GDF1: variants seen among roughly 807,000 people sequenced by gnomAD.
GDF1 encodes the protein embryonic growth/differentiation factor 1.
GDF1 carries 8 observed loss-of-function variants against 7.4 expected under a neutral mutation model. That is an observed-to-expected ratio of 1.09 (90% confidence interval 0.64 to 1.96). GDF1 has a LOEUF of 1.96. Ranked by LOEUF, GDF1 falls within the 30% of genes most tolerant of loss-of-function variation. GDF1 has a pLI of 0.00. For missense variants in GDF1, 574 were observed against 551.5 expected, an observed-to-expected ratio of 1.04 and a Z score of -0.41; for synonymous variants, 311 against 276.7, an observed-to-expected ratio of 1.12 and a Z score of -1.23.
At chr19:18,894,182 A>C (rs1218396417) in intron 1 of GDF1, among the ~76,000 whole-genome samples, 2 of 131,796 alleles carry the variant, frequency 1.5e-5, no homozygotes, top group African/African-American at 5.6e-5. Flanking sequence ...GCGAGGTGAG[A>C]CCCTGAGGGG....
At position 18,868,649 on chromosome 19, in the gene GDF1, A is replaced by G. The variant is rs1392820474; in HGVS notation, c.1067T>C (p.Val356Ala). 2 of 1,575,354 alleles carry G rather than the reference A, an allele frequency of 1.3e-6. No individual in the cohort carries two copies. Among genetic ancestry groups the G allele is most frequent in the South Asian group, 2.3e-5 (2 of 86,014 alleles). ...SVLFFDNSDN[V>A]VLRQYEDMVV... ...CATGTCCTCATACTGCCGCAGCACCACGTTGTCGCTGTTGTCAAAGAAGAG... is the reference window on the plus strand; with the variant it reads ...CATGTCCTCATACTGCCGCAGCACCGCGTTGTCGCTGTTGTCAAAGAAGAG... The change falls in exon 8 of 8, where the codon GTG (valine) becomes GCG (alanine). Residue 356 changes from valine to alanine, a missense_variant. By Grantham distance (64) the Val-to-Ala change is moderately conservative (BLOSUM62 0). Transcript: ENST00000247005.
rs1052613581 is a variant in GDF1 at position 18,870,885 on chromosome 19, C to T, written c.-312-266G>A. On this transcript the variant is annotated intron_variant, in intron 6 of 7. Coordinates refer to ENST00000247005, the MANE Select transcript of GDF1 (RefSeq NM_001492.6). The surrounding 1 kb of genome is among the most constrained non-coding windows in gnomAD (Gnocchi z 5.1). ...CTTCCCCCTCTCCAATTAAACCTTC[C>T]TCTTCCCCTCCTCCCTGCCTCTCCA... Among the ~76,000 whole-genome samples the T allele has an allele frequency of 1.3e-5, 2 of 152,092 alleles. No individual in the cohort carries two copies. Among genetic ancestry groups the T allele is most frequent in the African/African-American group, 4.8e-5 (2 of 41,420 alleles).
chr19:18,875,445 A>G lies in GDF1; in HGVS notation c.-313+3485T>C, dbSNP rs537761680. On this transcript the variant is annotated intron_variant, in intron 6 of 7. Coordinates refer to ENST00000247005, the MANE Select transcript of GDF1 (RefSeq NM_001492.6). ...GTAGTCCCAGCTACTCAGGAGGCTG[A>G]GGCAGGAGAATTACTTGAACCTGGG... is the stretch of plus-strand genomic sequence containing the variant. 1.1e-4 allele frequency among the ~76,000 whole-genome samples: 17 copies of G among 151,658 alleles called. No individual in the cohort carries two copies. The East Asian group carries it at 1.9e-3, about 17-fold the overall frequency.
intron 3 of GDF1, among the ~76,000 whole-genome samples, chr19:18,883,682 G>A (rs145775156): frequency 1.8e-3 from 279 of 152,334 alleles, no homozygotes; most frequent in African/African-American, 6.5e-3. Context: ...GGCTGTGGTT[G>A]GCTCTAGAAC....
Position 18,878,773 on chromosome 19 carries a change from C to T in GDF1, c.-313+157G>A, listed in dbSNP as rs2056114561. Reference sequence around the variant, plus strand: ...TCCTTCAGGGTACTGGCCACATCGTCCACGCCTTTATTGCAGTCTCTGTTT... The same window carrying T: ...TCCTTCAGGGTACTGGCCACATCGTTCACGCCTTTATTGCAGTCTCTGTTT... On this transcript the variant is annotated intron_variant, in intron 6 of 7. Transcript: ENST00000247005. The surrounding 1 kb of genome is among the most constrained non-coding windows in gnomAD (Gnocchi z 4.6). 1.4e-6 allele frequency: 2 copies of T among 1,452,826 alleles called. No homozygotes were observed. Among genetic ancestry groups the T allele is most frequent in the Non-Finnish European group, 1.8e-6 (2 of 1,102,442 alleles). 90.0% of individuals were successfully genotyped at this position (1,452,826 alleles called of 1,614,324 possible).
intron 7 of GDF1, 88 bp from the exon 8 acceptor site, chr19:18,869,478 G>A: frequency 1.4e-6 from 2 of 1,470,458 alleles, no homozygotes; most frequent in South Asian, 1.3e-5. Context: ...GAAGGTGAAC[G>A]CTGGGGCTCG....
At chr19:18,885,504 C>A (rs2146037839) in intron 2 of GDF1, among the ~76,000 whole-genome samples, 1 of 135,268 alleles carries the variant, frequency 7.4e-6, no homozygotes, top group East Asian at 2.2e-4. Flanking sequence ...GCCCAGCGCC[C>A]CTTCTCGTTT....
At chr19:18,884,367 T>G in intron 2 of GDF1, 100 bp from the exon 3 acceptor site, 1 of 1,111,422 alleles carries the variant, frequency 9.0e-7, no homozygotes, top group Non-Finnish European at 1.3e-6. Context: ...GTCCTCCCAG[T>G]ACCCAGGTAA....
rs1259112095 is a variant in GDF1 at position 18,870,131 on chromosome 19, G to C, written c.177C>G (p.Pro59=). The change falls in exon 7 of 8, where the codon CCC becomes CCG. Residue 59 remains proline (P), a synonymous_variant. Coordinates refer to ENST00000247005, the MANE Select transcript of GDF1 (RefSeq NM_001492.6). This position sits in a 1 kb window ranked among gnomAD's most constrained non-coding sequence, Gnocchi z 5.1. The part of the protein sequence containing the change: ...PQGAPRLRPV[P]PVMWRLFRRR... ...GTCGAAACAGGCGCCACATGACCGG[G>C]GGAACCGGCCGGAGCCTGGGGGCAC... 2.6e-6 allele frequency: 4 copies of C among 1,567,066 alleles called. No individual in the cohort carries two copies. In the East Asian group the frequency reaches 9.1e-5, roughly 36 times the overall value.
Position 18,895,746 on chromosome 19 carries a change from G to A in GDF1, c.-1074+78C>T. 1.3e-6 allele frequency: 1 copy of A among 785,246 alleles called. No individual in the cohort carries two copies. The highest frequency in any genetic ancestry group is 1.7e-6 in the Non-Finnish European group (1 of 605,256). The allele number at this position is 785,246 out of a possible 1,614,324, so 48.6% of individuals were successfully genotyped here. On this transcript the variant is annotated intron_variant, in intron 1 of 7. Coordinates refer to ENST00000247005, the MANE Select transcript of GDF1 (RefSeq NM_001492.6). The surrounding 1 kb of genome is among the most constrained non-coding windows in gnomAD (Gnocchi z 6.4). ...GCAGCCAGCGCTGGAAGAAAGGAAC[G>A]CGCCGGCGGCCCCAGGTCCCCGGTC...
Position 18,878,245 on chromosome 19 carries a change from C to A in GDF1, c.-313+685G>T. On this transcript the variant is annotated intron_variant, in intron 6 of 7. Transcript: ENST00000247005. This position sits in a 1 kb window ranked among gnomAD's most constrained non-coding sequence, Gnocchi z 4.6. ...ACGTTGCCTATGAGACACTGCACAC[C>A]CGACTCTGCTTGTTACCCAGTTTGG... The A allele has an allele frequency of 1.0e-6, 1 of 985,810 alleles. No homozygotes were observed. The highest frequency in any genetic ancestry group is 1.2e-6 in the Non-Finnish European group (1 of 830,268). The allele number at this position is 985,810 out of a possible 1,614,324, so 61.1% of individuals were successfully genotyped here.
rs186247725 is a variant in GDF1, at chr19:18,889,093, T to C, written c.-914+4323A>G. Among the ~76,000 whole-genome samples the C allele has an allele frequency of 9.9e-5, 15 of 151,986 alleles. No homozygotes were observed. The East Asian group carries it at 2.5e-3, about 26-fold the overall frequency. On this transcript the variant is annotated intron_variant, in intron 2 of 7. Transcript: ENST00000247005. The stretch of plus-strand genomic sequence containing the variant: ...TTTTAGTAGAGACAGGGTTTCACCA[T>C]GTTGGCCAGGCTGGTCTGGAACTCC...
intron 2 of GDF1, among the ~76,000 whole-genome samples, chr19:18,886,581 A>G (rs1342074890): frequency 2.6e-5 from 4 of 151,946 alleles, no homozygotes. Flanking sequence ...ACAAACAAAC[A>G]ACAAAAAAAG....
intron 2 of GDF1, among the ~76,000 whole-genome samples, 184 bp from the exon 3 acceptor site, chr19:18,884,451 C>A (rs1002095987): frequency 6.6e-6 from 1 of 151,204 alleles, no homozygotes; most frequent in Non-Finnish European, 1.5e-5. Context: ...CGGAGTCTCC[C>A]TCTGTCGCCC....
At chr19:18,869,860 A>G in intron 7 of GDF1, 123 bp downstream of exon 7, 1 of 925,744 alleles carries the variant, frequency 1.1e-6, no homozygotes, top group Non-Finnish European at 1.7e-6. Flanking sequence ...CGAAGTTGCT[A>G]GTAGCCTGGA....
intron 2 of GDF1, among the ~76,000 whole-genome samples, chr19:18,886,157 G>C (rs190792641): frequency 4.0e-5 from 6 of 150,602 alleles, no homozygotes; most frequent in Non-Finnish European, 2.9e-5. Flanking sequence ...TGTAATCCCA[G>C]CATTTTGAGA....
chr19:18,871,180 C>T (rs1568292544), intron 6 of GDF1, among the ~76,000 whole-genome samples: 1 of 151,874 alleles, frequency 6.6e-6, no homozygotes, highest in Admixed American at 6.6e-5. Context: ...ACCTCAGCCT[C>T]CAGAGTAGCT....
rs1293226843 is a variant in GDF1 at position 18,895,730 on chromosome 19, G to A, written c.-1074+94C>T. Reference sequence around the variant, plus strand: ...GACCCCTTCATCCGCAGCAGCCAGCGCTGGAAGAAAGGAACGCGCCGGCGG... The same window carrying A: ...GACCCCTTCATCCGCAGCAGCCAGCACTGGAAGAAAGGAACGCGCCGGCGG... On this transcript the variant is annotated intron_variant, in intron 1 of 7. Transcript: ENST00000247005. This position sits in a 1 kb window ranked among gnomAD's most constrained non-coding sequence, Gnocchi z 6.4. The A allele has an allele frequency of 2.2e-5, 14 of 645,636 alleles. No individual in the cohort carries two copies. The highest frequency in any genetic ancestry group is 2.9e-5 in the Non-Finnish European group (14 of 479,510). 40.0% of individuals were successfully genotyped at this position (645,636 alleles called of 1,614,324 possible).
chr19:18,880,300 C>G lies in GDF1; in HGVS notation c.-597G>C, dbSNP rs1166708354. On this transcript the variant is annotated 5_prime_UTR_variant, in exon 4 of 8. Transcript: ENST00000247005. The stretch of plus-strand genomic sequence containing the variant: ...AGCTGAAGCCGAAGCTGAGGCAGCC[C>G]AAGTCTGCTGCCAAGGCATGCAGCC... The G allele has an allele frequency of 6.4e-7, 1 of 1,552,268 alleles. No homozygotes were observed. The highest frequency in any genetic ancestry group is 1.2e-5 in the South Asian group (1 of 84,102).
Sources: gnomAD v4.1 joint callset for allele counts (sites outside exome capture counted in the v4.1 genomes callset) on GRCh38, gnomAD v4.1.1 for gene constraint, Gnocchi (gnomAD v3.1) non-coding constraint, MANE v1.5 for transcripts, NCBI Gene and HGNC (gene_info 2026-07-23, HGNC 2026-07-21) for gene names.